Variants in RAMP1 observed in about 807,000 individuals in gnomAD.
RAMP1 encodes the protein receptor activity modifying protein 1.
A neutral mutation model predicts 8.2 loss-of-function variants in RAMP1; 7 were observed. The ratio of observed to expected loss-of-function variants is 0.85; its 90% CI spans 0.49 to 1.60. RAMP1 has a LOEUF of 1.60. RAMP1 is among the 40% of genes most tolerant of loss of function. RAMP1 has a pLI of 0.00. For missense variants in RAMP1, 192 were observed against 202.4 expected, an observed-to-expected ratio of 0.95 and a Z score of 0.31; for synonymous variants, 92 against 84.7, an observed-to-expected ratio of 1.09 and a Z score of -0.47.
chr2:237,887,385 G>A (rs534956218), intron 2 of RAMP1, among the ~76,000 whole-genome samples: 8 of 152,210 alleles, frequency 5.3e-5, no homozygotes, highest in African/African-American at 1.4e-4. Flanking sequence ...TGCATAGTTC[G>A]AGGACACCGA....
upstream of RAMP1, chr2:237,859,622 C>CAGTCCTCAGCGG: frequency 6.2e-6 from 8 of 1,292,426 alleles, no homozygotes; most frequent in Non-Finnish European, 7.9e-6. Flanking sequence ...GCGGCGGGCT[C>CAGTCCTCAGCGG]AGTCCTCAGC....
intron 2 of RAMP1, among the ~76,000 whole-genome samples, chr2:237,898,528 C>A (rs765146353): frequency 6.6e-6 from 1 of 152,212 alleles, no homozygotes; most frequent in African/African-American, 2.4e-5. Flanking sequence ...TCAGAGCCTG[C>A]TGGCCCAGCA....
At chr2:237,883,350 G>T (rs1221091705) in intron 2 of RAMP1, among the ~76,000 whole-genome samples, 1 of 152,196 alleles carries the variant, frequency 6.6e-6, no homozygotes, top group Admixed American at 6.5e-5. Flanking sequence ...AAGGCGGCCG[G>T]CCAGCCTTTT....
chr2:237,864,026 C>T (rs539200525), intron 1 of RAMP1, among the ~76,000 whole-genome samples: 2 of 152,100 alleles, frequency 1.3e-5, no homozygotes, highest in East Asian at 1.9e-4. Flanking sequence ...CCTCAGGGTA[C>T]GTTAGTGTCA....
rs2062712533 is a variant in RAMP1, at chr2:237,911,528, G to A, written c.192G>A (p.Arg64=). The A allele has an allele frequency of 6.2e-7, 1 of 1,613,770 alleles. No homozygotes were observed. Among genetic ancestry groups the A allele is most frequent in the South Asian group, 1.1e-5 (1 of 91,070 alleles). The part of the protein sequence containing the change: ...TLWCDWGRTI[R]SYRELADCTW... ...TTACCACCTCCTCTTCCATCCGCAGGAGCTACAGGGAGCTGGCCGACTGCA... is the reference window on the plus strand; with the variant it reads ...TTACCACCTCCTCTTCCATCCGCAGAAGCTACAGGGAGCTGGCCGACTGCA... Residue 64 remains arginine, a splice_region_variant and synonymous_variant, in exon 3 of 3, where the codon AGG becomes AGA. Coordinates refer to ENST00000254661, the MANE Select transcript of RAMP1 (RefSeq NM_005855.4).
chr2:237,860,235 CA>C (rs2062119585), intron 1 of RAMP1, among the ~76,000 whole-genome samples: 1 of 152,250 alleles, frequency 6.6e-6, no homozygotes, highest in Non-Finnish European at 1.5e-5. Flanking sequence ...TCAACACTGA[CA>C]ATCTGTCGCC....
intron 2 of RAMP1, among the ~76,000 whole-genome samples, chr2:237,879,472 G>A (rs1193582230): frequency 3.3e-5 from 5 of 150,568 alleles, no homozygotes; most frequent in Non-Finnish European, 7.4e-5. Context: ...GAGTTGCTGG[G>A]AATTTTCGTT....
chr2:237,883,771 G>A (rs1054369746), intron 2 of RAMP1, among the ~76,000 whole-genome samples: 53 of 146,046 alleles, frequency 3.6e-4, no homozygotes, highest in African/African-American at 1.3e-3. Flanking sequence ...AGCCATGATG[G>A]TACCACTTGC....
At chr2:237,896,834 T>C (rs2062547255) in intron 2 of RAMP1, among the ~76,000 whole-genome samples, 1 of 152,008 alleles carries the variant, frequency 6.6e-6, no homozygotes. Context: ...TGTGTAGAGA[T>C]GGGGGAGTCT....
rs369311738 is a variant in RAMP1 at position 237,876,219 on chromosome 2, G to A, written c.53-1005G>A. 1.3e-4 allele frequency among the ~76,000 whole-genome samples: 20 copies of A among 152,282 alleles called. 1 individual carries two copies. The highest frequency in any genetic ancestry group is 3.4e-4 in the African/African-American group (14 of 41,570). ...GGAGACTGGTACTCCAGAACCCCTC[G>A]CCCAATCTGCCTGCCCAAGGGCAGC... On this transcript the variant is annotated intron_variant, in intron 1 of 2. Coordinates refer to ENST00000254661, the MANE Select transcript of RAMP1 (RefSeq NM_005855.4).
intron 2 of RAMP1, among the ~76,000 whole-genome samples, chr2:237,886,885 G>C: frequency 6.6e-6 from 1 of 152,210 alleles, no homozygotes; most frequent in East Asian, 1.9e-4. Flanking sequence ...GGTGGAACAC[G>C]TCTGGTGGCG....
intron 2 of RAMP1, among the ~76,000 whole-genome samples, chr2:237,888,073 AG>A (rs1463096490): frequency 1.3e-5 from 2 of 151,808 alleles, no homozygotes; most frequent in African/African-American, 4.8e-5. Context: ...TTTTTTTTTG[AG>A]ACAGAATCCT....
At chr2:237,899,068 A>G (rs1215172061) in intron 2 of RAMP1, among the ~76,000 whole-genome samples, 1 of 96,360 alleles carries the variant, frequency 1.0e-5, no homozygotes, top group East Asian at 3.8e-4. Context: ...GGTTTGAGAC[A>G]GTGATTTTTT....
intron 1 of RAMP1, among the ~76,000 whole-genome samples, chr2:237,870,407 C>T (rs148281265): frequency 4.7e-4 from 71 of 152,320 alleles, no homozygotes; most frequent in East Asian, 3.7e-3. Flanking sequence ...GCCCATGCGG[C>T]GCGCTGGTGC....
chr2:237,883,400 G>T (rs565915678), intron 2 of RAMP1, among the ~76,000 whole-genome samples: 1 of 152,326 alleles, frequency 6.6e-6, no homozygotes, highest in South Asian at 2.1e-4. Context: ...GCTGAGACAT[G>T]CTCGTGCCAG....
At chr2:237,890,499 G>A (rs1047130959) in intron 2 of RAMP1, among the ~76,000 whole-genome samples, 2 of 152,200 alleles carry the variant, frequency 1.3e-5, no homozygotes, top group Non-Finnish European at 2.9e-5. Context: ...ACTGCACCGA[G>A]CCAGAAATAA....
At chr2:237,908,484 TGGCATGATCTC>T (rs1331242051) in intron 2 of RAMP1, among the ~76,000 whole-genome samples, 4 of 151,808 alleles carry the variant, frequency 2.6e-5, no homozygotes, top group Non-Finnish European at 4.4e-5. Flanking sequence ...TAGAGTGCAG[TGGCATGATCTC>T]GGCATGATCT....
intron 2 of RAMP1, among the ~76,000 whole-genome samples, chr2:237,898,905 G>A (rs534285124): frequency 7.2e-5 from 11 of 152,338 alleles, no homozygotes; most frequent in South Asian, 6.2e-4. Context: ...GAAAGGTCCC[G>A]CTATTCACAG....
At chr2:237,902,337 T>TGGA (rs1346571109) in intron 2 of RAMP1, among the ~76,000 whole-genome samples, 1 of 16,492 alleles carries the variant, frequency 6.1e-5, no homozygotes, top group Non-Finnish European at 1.2e-4. Context: ...GATCAGGGGG[T>TGGA]GGAGGAGGGG....
Sources: allele counts gnomAD v4.1 joint callset (sites outside exome capture counted in the v4.1 genomes callset), GRCh38; gene constraint gnomAD v4.1.1; transcripts MANE v1.5; gene names NCBI Gene and HGNC (gene_info 2026-07-23, HGNC 2026-07-21).